The following FILIP1 variants were observed in gnomAD, a reference collection of about 807,000 sequenced individuals.
FILIP1 encodes filamin-A-interacting protein 1.
In FILIP1, 61 loss-of-function variants were observed where a neutral mutation model predicts 102.1. The ratio of observed to expected loss-of-function variants is 0.60; its 90% confidence interval spans 0.49 to 0.74. FILIP1 has a LOEUF of 0.74. FILIP1 is among the 30% of genes least tolerant of loss of function. FILIP1 has a pLI of 0.00. For missense variants in FILIP1, 1,314 were observed against 1,441.2 expected, an observed-to-expected ratio of 0.91 and a Z score of 1.43; for synonymous variants, 491 against 526.9, an observed-to-expected ratio of 0.93 and a Z score of 0.93.
At chr6:75,408,574 T>G (rs1033818214) in intron 2 of FILIP1, among the ~76,000 whole-genome samples, 4 of 152,170 alleles carry the variant, frequency 2.6e-5, no homozygotes, top group African/African-American at 9.7e-5. Context: ...AGGGCACTGG[T>G]GTACCAGAAA....
intron 2 of FILIP1, chr6:75,363,159 T>A: frequency 2.6e-6 from 1 of 386,220 alleles, no homozygotes; most frequent in Non-Finnish European, 4.7e-6. Context: ...ATTAACTACA[T>A]AAAAATTGCT....
chr6:75,404,093 T>C (rs1776751994), intron 2 of FILIP1, among the ~76,000 whole-genome samples: 2 of 152,114 alleles, frequency 1.3e-5, no homozygotes, highest in African/African-American at 4.8e-5. Flanking sequence ...TAGTTAAAGC[T>C]GTGCCACACA....
chr6:75,427,490 T>A (rs550768881), intron 1 of FILIP1, among the ~76,000 whole-genome samples: 1 of 152,272 alleles, frequency 6.6e-6, no homozygotes, highest in Non-Finnish European at 1.5e-5. Context: ...ATATGGGGCC[T>A]GGAGGCAGCC....
chr6:75,431,838 A>AAT (rs1312205736), intron 1 of FILIP1, among the ~76,000 whole-genome samples: 2 of 152,244 alleles, frequency 1.3e-5, no homozygotes, highest in African/African-American at 4.8e-5. Flanking sequence ...GATAAGGAGA[A>AAT]ATATGAAAGA....
At chr6:75,480,674 C>A (rs1311366410) in intron 1 of FILIP1, among the ~76,000 whole-genome samples, 1 of 152,116 alleles carries the variant, frequency 6.6e-6, no homozygotes, top group East Asian at 1.9e-4. Flanking sequence ...TGTAAAAGTC[C>A]TACAGCAAAT....
chr6:75,317,376 G>A (rs548406898), intron 4 of FILIP1, among the ~76,000 whole-genome samples: 2 of 152,300 alleles, frequency 1.3e-5, no homozygotes, highest in East Asian at 3.9e-4. Context: ...TTGTTGTGAA[G>A]ATTAATTGAA....
intron 1 of FILIP1, among the ~76,000 whole-genome samples, chr6:75,433,825 T>G (rs1777915767): frequency 6.6e-6 from 1 of 152,238 alleles, no homozygotes; most frequent in Non-Finnish European, 1.5e-5. Flanking sequence ...GTTTTAGGTC[T>G]AACATTTAAG....
At chr6:75,369,416 G>C (rs182780499) in intron 2 of FILIP1, among the ~76,000 whole-genome samples, 2 of 152,294 alleles carry the variant, frequency 1.3e-5, no homozygotes, top group East Asian at 3.9e-4. Flanking sequence ...TAATATTCCT[G>C]TGTCTAGCAA....
intron 2 of FILIP1, among the ~76,000 whole-genome samples, chr6:75,380,005 A>T (rs1775858554): frequency 6.6e-6 from 1 of 152,146 alleles, no homozygotes; most frequent in East Asian, 1.9e-4. Flanking sequence ...GTTCAACAAG[A>T]TTTGTTTATG....
intron 1 of FILIP1, among the ~76,000 whole-genome samples, chr6:75,484,799 C>T (rs1779739151): frequency 6.6e-6 from 1 of 152,142 alleles, no homozygotes; most frequent in African/African-American, 2.4e-5. Context: ...GTACTCAAGG[C>T]CCTGTGCCTG....
At chr6:75,465,819 TC>T (rs771435736) in intron 1 of FILIP1, among the ~76,000 whole-genome samples, 10 of 152,284 alleles carry the variant, frequency 6.6e-5, no homozygotes, top group Admixed American at 2.0e-4. Flanking sequence ...ATGCTCCTTC[TC>T]TGCTGAACAA....
intron 2 of FILIP1, among the ~76,000 whole-genome samples, chr6:75,392,990 G>A (rs1776331419): frequency 6.6e-6 from 1 of 152,152 alleles, no homozygotes. Flanking sequence ...TCCAGTCTCA[G>A]GTATGTCTTT....
chr6:75,321,214 C>T (rs1470053184), intron 4 of FILIP1, among the ~76,000 whole-genome samples: 1 of 151,962 alleles, frequency 6.6e-6, no homozygotes, highest in Non-Finnish European at 1.5e-5. Context: ...AGACTGTTGT[C>T]GTTTTTTTGT....
At chr6:75,429,097 T>C (rs1334279431) in intron 1 of FILIP1, among the ~76,000 whole-genome samples, 1 of 152,198 alleles carries the variant, frequency 6.6e-6, no homozygotes, top group Non-Finnish European at 1.5e-5. Flanking sequence ...AGAGAAATTC[T>C]TCTCTGTACC....
chr6:75,407,295 G>T (rs527300616), intron 2 of FILIP1, among the ~76,000 whole-genome samples: 1 of 151,742 alleles, frequency 6.6e-6, no homozygotes, highest in Non-Finnish European at 1.5e-5. Context: ...GCACAATCTC[G>T]GCTTACTGCA....
chr6:75,359,295 C>T (rs1016174447), intron 3 of FILIP1, among the ~76,000 whole-genome samples: 11 of 151,962 alleles, frequency 7.2e-5, no homozygotes, highest in Admixed American at 2.0e-4. Flanking sequence ...CATGAGCCAC[C>T]GCGCCCAGTG....
chr6:75,299,322 A>G (rs535836859), intron 6 of FILIP1, among the ~76,000 whole-genome samples: 89 of 152,196 alleles, frequency 5.8e-4, no homozygotes, highest in African/African-American at 2.0e-3. Flanking sequence ...TTGCACAACT[A>G]TCATAATTTT....
chr6:75,391,853 T>G (rs1307972496), intron 2 of FILIP1, among the ~76,000 whole-genome samples: 1 of 152,178 alleles, frequency 6.6e-6, no homozygotes, highest in African/African-American at 2.4e-5. Flanking sequence ...CTATACATAC[T>G]GTCTCCAATA....
intron 4 of FILIP1, among the ~76,000 whole-genome samples, chr6:75,330,804 A>C (rs1774054747): frequency 6.6e-6 from 1 of 152,202 alleles, no homozygotes. Flanking sequence ...GGTTATGTAT[A>C]ATTCTGCTCT....
Sources: gnomAD v4.1 joint callset for allele counts (sites outside exome capture counted in the v4.1 genomes callset) on GRCh38, gnomAD v4.1.1 for gene constraint, MANE v1.5 for transcripts, NCBI Gene and HGNC (gene_info 2026-07-23, HGNC 2026-07-21) for gene names.